Variants in BCR observed in about 807,000 individuals in gnomAD.
The protein encoded by BCR is BCR activator of RhoGEF and GTPase, also known as breakpoint cluster region protein.
BCR carries 58 observed loss-of-function variants against 138.6 expected under a neutral mutation model. That is an observed-to-expected ratio of 0.42 (90% CI 0.34 to 0.52). The LOEUF (loss-of-function observed/expected upper bound fraction) is 0.52, where lower values mean the gene tolerates loss of function less well. Among genes scored for constraint, BCR ranks in the 20% least tolerant of loss-of-function variants. The pLI, the probability that BCR is intolerant of heterozygous loss-of-function variation, is 0.06. For synonymous variants in BCR, 786 were observed against 730.1 expected, an observed-to-expected ratio of 1.08 and a Z score of -1.23; for missense variants, 1,599 against 1,727.2, an observed-to-expected ratio of 0.93 and a Z score of 1.32.
At chr22:23,257,417 C>T (rs2073306419) in intron 2 of BCR, among the ~76,000 whole-genome samples, 2 of 152,258 alleles carry the variant, frequency 1.3e-5, no homozygotes, top group Admixed American at 1.3e-4. Context: ...ACAAGCATCT[C>T]ACACTGGGTG....
In BCR at chr22:23,295,060, A is replaced by G; in HGVS notation, c.2917A>G (p.Arg973Gly). Residue 973 changes from arginine (R) to glycine (G), a missense_variant, in exon 16 of 23, where the codon AGG becomes GGG. Physicochemically the swap from Arg to Gly is moderately radical, Grantham distance 125. Transcript: ENST00000305877. ...AGAGCTGGAGGGCTCCCAGACCCTGAGGATACTGTGCTATGAAAAGTGTTA... is the reference window on the plus strand; with the variant it reads ...AGAGCTGGAGGGCTCCCAGACCCTGGGGATACTGTGCTATGAAAAGTGTTA... The part of the protein sequence containing the change: ...EIELEGSQTL[R>G]ILCYEKCYNK... 6.2e-7 allele frequency: 1 copy of G among 1,614,158 alleles called. No homozygotes were observed. Among genetic ancestry groups the G allele is most frequent in the Non-Finnish European group, 8.5e-7 (1 of 1,180,002 alleles).
rs576584735 is a variant in BCR, at chr22:23,245,077, G to A, written c.1280-8722G>A. 5.3e-5 allele frequency among the ~76,000 whole-genome samples: 8 copies of A among 152,276 alleles called. No individual in the cohort carries two copies. In the South Asian group the frequency reaches 1.0e-3, roughly 20 times the overall value. ...GGCTGACTAGTGCCCCCAGAAAATC[G>A]CCAGCAAAGTTGACCTTCTGGTGAT... On this transcript the variant is annotated intron_variant, in intron 1 of 22. Coordinates refer to ENST00000305877, the MANE Select transcript of BCR (RefSeq NM_004327.4).
At chr22:23,254,897 T>G (rs778658404) in intron 2 of BCR, among the ~76,000 whole-genome samples, 2 of 152,136 alleles carry the variant, frequency 1.3e-5, no homozygotes, top group Non-Finnish European at 2.9e-5. Flanking sequence ...GCATGGTGGC[T>G]CACACCTATA....
intron 1 of BCR, among the ~76,000 whole-genome samples, chr22:23,200,103 C>G (rs1470174752): frequency 6.7e-6 from 1 of 149,336 alleles, no homozygotes; most frequent in Non-Finnish European, 1.5e-5. Context: ...AAAAAAAAAG[C>G]AAGACAAGGC....
chr22:23,191,702 C>T (rs371339712), intron 1 of BCR, among the ~76,000 whole-genome samples: 12 of 152,092 alleles, frequency 7.9e-5, no homozygotes, highest in Non-Finnish European at 1.0e-4. Context: ...TCTCGGGCCC[C>T]GTGGGTGTTT....
chr22:23,232,559 C>G (rs924399584), intron 1 of BCR, among the ~76,000 whole-genome samples: 4 of 152,198 alleles, frequency 2.6e-5, no homozygotes, highest in African/African-American at 9.6e-5. Context: ...ACCTGACCAG[C>G]ATCTTGGTGG....
intron 2 of BCR, among the ~76,000 whole-genome samples, chr22:23,259,517 ATT>A (rs1245128304): frequency 1.6e-4 from 22 of 141,164 alleles, no homozygotes; most frequent in African/African-American, 4.2e-4. Context: ...CAAAAAAAAA[ATT>A]TTTTTTTTTT....
At chr22:23,272,361 G>T (rs898659504) in intron 6 of BCR, among the ~76,000 whole-genome samples, 18 of 152,354 alleles carry the variant, frequency 1.2e-4, no homozygotes, top group South Asian at 4.1e-4. Flanking sequence ...TCTGCAAAAT[G>T]AAAATAGCGA....
intron 1 of BCR, among the ~76,000 whole-genome samples, chr22:23,231,868 C>G (rs1029440001): frequency 4.6e-5 from 7 of 152,188 alleles, no homozygotes; most frequent in Non-Finnish European, 7.3e-5. Context: ...TGGCACGTCT[C>G]AGGCTTTGGG....
At chr22:23,263,120 G>T in intron 4 of BCR, 1 of 706,852 alleles carries the variant, frequency 1.4e-6, no homozygotes, top group Non-Finnish European at 2.3e-6. Context: ...CCTACATCCC[G>T]GGGACAGGGG....
intron 17 of BCR, 70 bp downstream of exon 17, chr22:23,309,553 A>C: frequency 7.0e-7 from 1 of 1,430,224 alleles, no homozygotes; most frequent in Non-Finnish European, 9.6e-7. Context: ...GTTCATTTCA[A>C]ATCAGTCAGA....
chr22:23,306,752 C>A (rs1475651078), intron 16 of BCR: 1 of 152,300 alleles, frequency 6.6e-6, no homozygotes, highest in African/African-American at 2.4e-5. Context: ...CTCGTTTAGC[C>A]CCACCAGCTT....
At chr22:23,205,258 T>A (rs2146213351) in intron 1 of BCR, among the ~76,000 whole-genome samples, 1 of 152,304 alleles carries the variant, frequency 6.6e-6, no homozygotes, top group African/African-American at 2.4e-5. Context: ...ACAGGAAGGA[T>A]ACCGGCACTG....
chr22:23,262,290 C>T (rs181945490), intron 4 of BCR, among the ~76,000 whole-genome samples: 1 of 152,344 alleles, frequency 6.6e-6, no homozygotes, highest in Admixed American at 6.5e-5. Flanking sequence ...ACTACCGAGA[C>T]ACACAGCTCT....
Position 23,287,153 on chromosome 22 carries a change from C to T in BCR, c.2407-6C>T, listed in dbSNP as rs1253200326. 1 of 1,576,646 alleles carries T rather than the reference C, an allele frequency of 6.3e-7. No homozygotes were observed. Among genetic ancestry groups the T allele is most frequent in the Non-Finnish European group, 8.6e-7 (1 of 1,160,412 alleles). On this transcript the variant is annotated splice_region_variant and splice_polypyrimidine_tract_variant and intron_variant, in intron 10 of 22. Coordinates refer to ENST00000305877, the MANE Select transcript of BCR (RefSeq NM_004327.4). Reference sequence around the variant, plus strand: ...GGGAAGGTGAGGCTGTGGCATCTCCCCACAGAGGGCGAACAAGGGCAGCAA... The same window carrying T: ...GGGAAGGTGAGGCTGTGGCATCTCCTCACAGAGGGCGAACAAGGGCAGCAA...
At chr22:23,246,246 G>A (rs750457688) in intron 1 of BCR, among the ~76,000 whole-genome samples, 2 of 152,024 alleles carry the variant, frequency 1.3e-5, no homozygotes. Flanking sequence ...GCAACATAGC[G>A]AGACCCCTGT....
intron 16 of BCR, among the ~76,000 whole-genome samples, chr22:23,300,188 G>T (rs1004271142): frequency 6.6e-6 from 1 of 152,008 alleles, no homozygotes; most frequent in African/African-American, 2.4e-5. Context: ...CAGGGGGGCA[G>T]GTGCAAAAAG....
chr22:23,295,058 T>C lies in BCR; in HGVS notation c.2915T>C (p.Leu972Pro), dbSNP rs1487828785. The C allele has an allele frequency of 6.2e-7, 1 of 1,613,994 alleles. No individual in the cohort carries two copies. Among genetic ancestry groups the C allele is most frequent in the Non-Finnish European group, 8.5e-7 (1 of 1,180,026 alleles). Reference protein sequence around the residue: ...FEIELEGSQTLRILCYEKCYN... With the variant: ...FEIELEGSQTPRILCYEKCYN... ...ATAGAGCTGGAGGGCTCCCAGACCC[T>C]GAGGATACTGTGCTATGAAAAGTGT... Residue 972 changes from leucine (L) to proline (P), a missense_variant, in exon 16 of 23, where the codon CTG (leucine) becomes CCG (proline). Leu to Pro is a moderately conservative substitution (Grantham distance 98). Around this residue, in one of 4 missense-constraint regions of BCR, gnomAD observed 590 missense variants for 762.4 expected, o/e 0.77. Transcript: ENST00000305877.
Position 23,240,410 on chromosome 22 carries a change from G to T in BCR, c.1280-13389G>T, listed in dbSNP as rs535443243. Among the ~76,000 whole-genome samples the T allele has an allele frequency of 9.9e-5, 15 of 151,802 alleles. 1 individual carries two copies. Among genetic ancestry groups the T allele is most frequent in the African/African-American group, 3.6e-4 (15 of 41,404 alleles). On this transcript the variant is annotated intron_variant, in intron 1 of 22. Transcript: ENST00000305877. ...CTCACGCCTGTAATCCCAGCACTTTGGGAGGCTGAGGCGGGTGGATCACGA... is the reference window on the plus strand; with the variant it reads ...CTCACGCCTGTAATCCCAGCACTTTTGGAGGCTGAGGCGGGTGGATCACGA...
Sources: gnomAD v4.1 joint callset for allele counts (sites outside exome capture counted in the v4.1 genomes callset) on GRCh38, gnomAD v4.1.1 for gene constraint, gnomAD v4.1.1 regional missense constraint, MANE v1.5 for transcripts, NCBI Gene and HGNC (gene_info 2026-07-23, HGNC 2026-07-21) for gene names.